KAT6B: variants seen among roughly 807,000 people sequenced by gnomAD.
The protein encoded by KAT6B is histone acetyltransferase KAT6B.
A neutral mutation model predicts 187.5 loss-of-function variants in KAT6B; 10 were observed. The observed-to-expected ratio is 0.05, with a 90% CI of 0.03 to 0.09. The LOEUF (loss-of-function observed/expected upper bound fraction) is 0.09, where lower values mean the gene tolerates loss of function less well. Ranked by LOEUF, KAT6B falls within the 10% of genes least tolerant of loss-of-function variation. KAT6B has a pLI of 1.00. For synonymous variants in KAT6B, 861 were observed against 926.8 expected, an observed-to-expected ratio of 0.93 and a Z score of 1.29; for missense variants, 1,952 against 2,558.9, an observed-to-expected ratio of 0.76 and a Z score of 5.12.
intron 3 of KAT6B, among the ~76,000 whole-genome samples, chr10:74,894,624 A>C (rs974033587): frequency 4.6e-5 from 7 of 152,136 alleles, no homozygotes; most frequent in African/African-American, 1.7e-4. Context: ...TGTTGCTAAG[A>C]GTTTGATTAC....
chr10:74,961,604 TTCACAGGGTA>T (rs1252256179), intron 4 of KAT6B, among the ~76,000 whole-genome samples: 1 of 152,218 alleles, frequency 6.6e-6, no homozygotes, highest in Non-Finnish European at 1.5e-5. Context: ...CAAGGCCTCC[TTCACAGGGTA>T]TAAAGGTGTA....
chr10:74,871,499 T>C (rs1843972022), intron 3 of KAT6B, among the ~76,000 whole-genome samples: 2 of 152,128 alleles, frequency 1.3e-5, no homozygotes, highest in Non-Finnish European at 2.9e-5. Context: ...AGCCCTCATA[T>C]GGTTTATGAG....
chr10:74,994,386 C>T (rs2133909118), intron 13 of KAT6B, among the ~76,000 whole-genome samples: 1 of 152,312 alleles, frequency 6.6e-6, no homozygotes, highest in South Asian at 2.1e-4. Flanking sequence ...CTTTCTGCCA[C>T]AGCATGATGT....
rs1345863333 is a variant in KAT6B at position 75,030,047 on chromosome 10, C to T, written c.5223C>T (p.Ser1741=). The change falls in exon 18 of 18, where the codon AGC becomes AGT. Residue 1741 remains serine, a synonymous_variant. Transcript: ENST00000287239. This position sits in a 1 kb window ranked among gnomAD's most constrained non-coding sequence, Gnocchi z 4.8. ...SCSMLQQTSI[S]SPPTCSVKSP... Reference sequence around the variant, plus strand: ...GCATGCTGCAGCAAACCAGCATCAGCTCCCCTCCGACCTGCAGCGTCAAGT... The same window carrying T: ...GCATGCTGCAGCAAACCAGCATCAGTTCCCCTCCGACCTGCAGCGTCAAGT... 3.1e-6 allele frequency: 5 copies of T among 1,614,086 alleles called. No individual in the cohort carries two copies. The Admixed American group carries it at 8.3e-5, about 27-fold the overall frequency.
intron 3 of KAT6B, among the ~76,000 whole-genome samples, chr10:74,947,584 C>T (rs547054336): frequency 3.3e-5 from 5 of 152,280 alleles, no homozygotes; most frequent in African/African-American, 1.2e-4. Context: ...AAGGATCTTC[C>T]AAGAGCTCAC....
chr10:74,907,204 T>TACAA (rs1171337900), intron 3 of KAT6B, among the ~76,000 whole-genome samples: 2 of 152,240 alleles, frequency 1.3e-5, no homozygotes, highest in Non-Finnish European at 2.9e-5. Context: ...CTGCTCTCAC[T>TACAA]ACAAACAGAA....
intron 3 of KAT6B, among the ~76,000 whole-genome samples, chr10:74,866,406 T>C (rs1167305063): frequency 6.6e-6 from 1 of 152,040 alleles, no homozygotes; most frequent in Non-Finnish European, 1.5e-5. Context: ...GATAAAGATA[T>C]GAGGCAAAAG....
chr10:74,906,616 C>T (rs1390421918), intron 3 of KAT6B, among the ~76,000 whole-genome samples: 1 of 152,050 alleles, frequency 6.6e-6, no homozygotes, highest in Non-Finnish European at 1.5e-5. Flanking sequence ...TCATTTCCAC[C>T]CTTTTATCTA....
upstream of KAT6B, among the ~76,000 whole-genome samples, chr10:74,826,071 T>A (rs1318585923): frequency 2.1e-5 from 3 of 140,964 alleles, no homozygotes; most frequent in Non-Finnish European, 4.6e-5. Flanking sequence ...CGCCCACCCC[T>A]AAATCCTGCG....
At chr10:74,888,916 AT>A (rs1283161131) in intron 3 of KAT6B, among the ~76,000 whole-genome samples, 1 of 152,224 alleles carries the variant, frequency 6.6e-6, no homozygotes, top group Non-Finnish European at 1.5e-5. Context: ...AAATTATTAC[AT>A]TTATATTTGT....
intron 16 of KAT6B, among the ~76,000 whole-genome samples, chr10:75,024,581 T>C (rs1220473067): frequency 6.6e-6 from 1 of 152,226 alleles, no homozygotes; most frequent in Admixed American, 6.5e-5. Context: ...TACAGCACCA[T>C]TTATAAAGAC....
intron 8 of KAT6B, chr10:74,976,582 A>AC (rs1056566415): frequency 3.7e-6 from 2 of 543,194 alleles, no homozygotes; most frequent in Middle Eastern, 5.0e-4. Flanking sequence ...TGACACTAGG[A>AC]CCCCCAGATG....
At chr10:74,963,425 A>G (rs754749937) in intron 4 of KAT6B, among the ~76,000 whole-genome samples, 1 of 152,222 alleles carries the variant, frequency 6.6e-6, no homozygotes, top group Non-Finnish European at 1.5e-5. Flanking sequence ...GTACAGTTCA[A>G]AATTACAGCA....
chr10:74,854,082 C>A (rs1453796021), intron 3 of KAT6B, among the ~76,000 whole-genome samples: 1 of 152,174 alleles, frequency 6.6e-6, no homozygotes, highest in Non-Finnish European at 1.5e-5. Flanking sequence ...AAAATATGAA[C>A]CTGAATCTTC....
chr10:74,833,967 T>C (rs1048963990), intron 1 of KAT6B, among the ~76,000 whole-genome samples: 4 of 152,246 alleles, frequency 2.6e-5, no homozygotes, highest in Non-Finnish European at 4.4e-5. Flanking sequence ...TTGAACAAGA[T>C]TGATGTTTGC....
At chr10:75,018,058 C>T (rs1845108032) in intron 13 of KAT6B, among the ~76,000 whole-genome samples, 1 of 152,162 alleles carries the variant, frequency 6.6e-6, no homozygotes, top group Non-Finnish European at 1.5e-5. Flanking sequence ...GGATAGTGGC[C>T]TTGTGCAGTC....
rs72803447 is a variant in KAT6B at position 75,007,372 on chromosome 10, G to T, written c.2630-13210G>T. ...AAAATCCAGAGTGAGGACAGTATAG[G>T]TCAAGTGGCCCCAGTTCAACCACAG... On this transcript the variant is annotated intron_variant, in intron 13 of 17. Transcript: ENST00000287239. Among the ~76,000 whole-genome samples the T allele has an allele frequency of 2.6e-3, 398 of 152,234 alleles. 1 individual carries two copies. The highest frequency in any genetic ancestry group is 4.8e-3 in the Non-Finnish European group (326 of 68,010).
At chr10:74,922,203 A>T (rs1352426225) in intron 3 of KAT6B, among the ~76,000 whole-genome samples, 1 of 152,214 alleles carries the variant, frequency 6.6e-6, no homozygotes, top group Non-Finnish European at 1.5e-5. Context: ...AGCATGTTTG[A>T]ATATAAGGAT....
At chr10:74,906,449 T>C (rs1458699481) in intron 3 of KAT6B, among the ~76,000 whole-genome samples, 1 of 152,178 alleles carries the variant, frequency 6.6e-6, no homozygotes, top group African/African-American at 2.4e-5. Context: ...TCCTAAATAT[T>C]GGGACATTTG....
Sources: gnomAD v4.1 joint callset for allele counts (sites outside exome capture counted in the v4.1 genomes callset) on GRCh38, gnomAD v4.1.1 for gene constraint, Gnocchi (gnomAD v3.1) non-coding constraint, MANE v1.5 for transcripts, NCBI Gene and HGNC (gene_info 2026-07-23, HGNC 2026-07-21) for gene names.